ATP8B4: variants seen among roughly 807,000 people sequenced by gnomAD.
ATP8B4 encodes the protein ATPase phospholipid transporting 8B4 (putative).
In ATP8B4, 133 loss-of-function variants were observed where a neutral mutation model predicts 145.6. That is an observed-to-expected ratio of 0.91 (90% CI 0.79 to 1.05). ATP8B4 has a LOEUF of 1.05. Among genes scored for constraint, ATP8B4 ranks in the 50% least tolerant of loss-of-function variants. The pLI, the probability that ATP8B4 is intolerant of heterozygous loss-of-function variation, is 0.00. For synonymous variants in ATP8B4, 507 were observed against 492.9 expected (o/e 1.03, Z -0.38); for missense variants, 1,458 against 1,425.2 (o/e 1.02, Z -0.37).
intron 23 of ATP8B4, among the ~76,000 whole-genome samples, chr15:49,890,844 G>T (rs553271887): frequency 6.6e-6 from 1 of 152,062 alleles, no homozygotes; most frequent in African/African-American, 2.4e-5. Context: ...CTTCAATACC[G>T]CGAACATGCC....
chr15:49,872,907 T>C (rs996738141), intron 25 of ATP8B4, among the ~76,000 whole-genome samples: 26 of 152,176 alleles, frequency 1.7e-4, no homozygotes, highest in African/African-American at 6.3e-4. Context: ...TTTCATAGTT[T>C]TAACAAATGC....
chr15:50,140,823 A>G lies in ATP8B4; in HGVS notation c.-42-33815T>C, dbSNP rs922940576. 2.6e-4 allele frequency among the ~76,000 whole-genome samples: 40 copies of G among 152,178 alleles called. 1 individual carries two copies. Among genetic ancestry groups the G allele is most frequent in the Non-Finnish European group, 2.9e-4 (20 of 68,036 alleles). On this transcript the variant is annotated intron_variant, in intron 1 of 3. Coordinates refer to the ATP8B4 transcript ENST00000558829. ...GGACTTTTAGGCCCCACTCCTGGAG[A>G]TTCGAATTCTGTAGTTCTGGGATGA...
At chr15:50,171,796 A>G (rs1288198412) in intron 1 of ATP8B4, among the ~76,000 whole-genome samples, 1 of 152,176 alleles carries the variant, frequency 6.6e-6, no homozygotes, top group Non-Finnish European at 1.5e-5. Flanking sequence ...GAAAAGATAA[A>G]TAAAATTGAC....
At chr15:49,981,951 C>A (rs1347874157) in intron 10 of ATP8B4, among the ~76,000 whole-genome samples, 3 of 152,060 alleles carry the variant, frequency 2.0e-5, no homozygotes, top group African/African-American at 7.2e-5. Context: ...TAATCAACTG[C>A]TTTAGAAGTG....
intron 1 of ATP8B4, among the ~76,000 whole-genome samples, chr15:50,158,253 C>A (rs1163119720): frequency 1.3e-5 from 2 of 151,652 alleles, no homozygotes; most frequent in African/African-American, 4.8e-5. Flanking sequence ...GCCCGGCTGC[C>A]CAGTCTGGGA....
chr15:50,018,915 T>G, intron 6 of ATP8B4: 1 of 1,256,786 alleles, frequency 8.0e-7, no homozygotes, highest in Non-Finnish European at 1.0e-6. Flanking sequence ...GGATAAATCT[T>G]CTTCCTTACA....
At chr15:49,934,644 G>T (rs1468128398) in intron 14 of ATP8B4, among the ~76,000 whole-genome samples, 1 of 152,016 alleles carries the variant, frequency 6.6e-6, no homozygotes, top group African/African-American at 2.4e-5. Context: ...ACATTAATGT[G>T]TTTGATTACA....
At chr15:50,081,824 T>G (rs776558272) in intron 2 of ATP8B4, among the ~76,000 whole-genome samples, 2 of 152,244 alleles carry the variant, frequency 1.3e-5, no homozygotes, top group Non-Finnish European at 2.9e-5. Flanking sequence ...CATTTTGTCC[T>G]TCACCAAATG....
intron 17 of ATP8B4, among the ~76,000 whole-genome samples, chr15:49,921,272 C>T (rs2040231650): frequency 6.6e-6 from 1 of 152,122 alleles, no homozygotes; most frequent in South Asian, 2.1e-4. Context: ...ATACCATTAT[C>T]AAGTCAGCTT....
intron 14 of ATP8B4, among the ~76,000 whole-genome samples, chr15:49,960,156 T>C (rs2043941962): frequency 6.6e-6 from 1 of 151,808 alleles, no homozygotes; most frequent in Non-Finnish European, 1.5e-5. Context: ...GGCTCCCAAG[T>C]AGCTGGGACT....
At chr15:50,134,434 G>A (rs565600736) in intron 1 of ATP8B4, among the ~76,000 whole-genome samples, 1 of 152,256 alleles carries the variant, frequency 6.6e-6, no homozygotes, top group East Asian at 1.9e-4. Flanking sequence ...AAATTGGTGT[G>A]ATTCCTGTAT....
chr15:49,873,545 G>A (rs137858330), intron 25 of ATP8B4, among the ~76,000 whole-genome samples: 17 of 152,164 alleles, frequency 1.1e-4, no homozygotes, highest in Admixed American at 4.6e-4. Flanking sequence ...TATATAATCC[G>A]ATTTCCATTT....
upstream of ATP8B4, among the ~76,000 whole-genome samples, chr15:50,123,113 C>T (rs997586794): frequency 6.6e-6 from 1 of 152,086 alleles, no homozygotes; most frequent in Non-Finnish European, 1.5e-5. Context: ...AATCCAAATG[C>T]GACTACATTT....
chr15:49,882,259 G>C (rs1307759851), intron 23 of ATP8B4, among the ~76,000 whole-genome samples: 1 of 152,158 alleles, frequency 6.6e-6, no homozygotes, highest in South Asian at 2.1e-4. Context: ...CAGGGTCCCA[G>C]CCCAGAGCAG....
Position 50,002,222 on chromosome 15 carries a change from G to C in ATP8B4, c.437C>G (p.Ala146Gly), listed in dbSNP as rs2047949813. 1 of 1,607,308 alleles carries C rather than the reference G, an allele frequency of 6.2e-7. No homozygotes were observed. The highest frequency in any genetic ancestry group is 2.2e-5 in the East Asian group (1 of 44,588). ...ACTACTTGATAGGAGAAGTAAATCA[G>C]CCTATTTTCAAAAATCATAACAAAA... is the stretch of plus-strand genomic sequence containing the variant. The part of the protein sequence containing the change: ...IKLENNQFVA[A>G]DLLLLSSSEP... Residue 146 changes from alanine to glycine, a missense_variant and splice_region_variant, in exon 8 of 28, where the codon GCT becomes GGT. Ala to Gly is a moderately conservative substitution (Grantham distance 60, BLOSUM62 0). Transcript: ENST00000284509.
intron 1 of ATP8B4, among the ~76,000 whole-genome samples, chr15:50,159,419 A>T (rs2044482242): frequency 6.6e-6 from 1 of 152,232 alleles, no homozygotes; most frequent in East Asian, 1.9e-4. Context: ...TTTTCCAAAT[A>T]TGAGATTATA....
At chr15:50,056,394 C>T (rs142861141) in intron 3 of ATP8B4, among the ~76,000 whole-genome samples, 1 of 152,184 alleles carries the variant, frequency 6.6e-6, no homozygotes, top group East Asian at 1.9e-4. Flanking sequence ...ACTGATGACA[C>T]AATTTCAGGA....
intron 1 of ATP8B4, among the ~76,000 whole-genome samples, chr15:50,114,786 A>C (rs2057113418): frequency 6.6e-6 from 1 of 152,248 alleles, no homozygotes; most frequent in African/African-American, 2.4e-5. Context: ...GTACTCAATA[A>C]GGGAAAGCGA....
chr15:49,976,637 G>C (rs2045691987), intron 12 of ATP8B4, among the ~76,000 whole-genome samples: 1 of 152,108 alleles, frequency 6.6e-6, no homozygotes, highest in South Asian at 2.1e-4. Context: ...TTAAACCAAA[G>C]TGAATGAAAC....
Sources: gnomAD v4.1 joint callset for allele counts (sites outside exome capture counted in the v4.1 genomes callset) on GRCh38, gnomAD v4.1.1 for gene constraint, MANE v1.5 for transcripts, NCBI Gene and HGNC (gene_info 2026-07-23, HGNC 2026-07-21) for gene names.